Variants in STPG2 observed in about 807,000 individuals in gnomAD.
STPG2 encodes the protein sperm-tail PG-rich repeat-containing protein 2.
Under a neutral mutation model 54.2 loss-of-function variants are expected in STPG2, and 56 were observed. That is an observed-to-expected ratio of 1.03 (90% CI 0.83 to 1.29). The LOEUF (loss-of-function observed/expected upper bound fraction) is 1.29. STPG2 is among the 50% of genes most tolerant of loss of function. The pLI, the probability that STPG2 is intolerant of heterozygous loss-of-function variation, is 0.00. For missense variants in STPG2, 596 were observed against 544.9 expected, an observed-to-expected ratio of 1.09 and a Z score of -0.93; for synonymous variants, 200 against 181.8, an observed-to-expected ratio of 1.10 and a Z score of -0.81.
chr4:97,827,510 C>A (rs745639892), intron 9 of STPG2, among the ~76,000 whole-genome samples: 12 of 152,148 alleles, frequency 7.9e-5, no homozygotes, highest in Non-Finnish European at 1.0e-4. Context: ...GCTGGGATTA[C>A]AGGCATGAGC....
intron 5 of STPG2, among the ~76,000 whole-genome samples, chr4:98,047,997 C>T (rs1737192001): frequency 6.6e-6 from 1 of 152,154 alleles, no homozygotes; most frequent in African/African-American, 2.4e-5. Context: ...GACAGTATTT[C>T]TCAACTAAAC....
chr4:97,544,551 G>T (rs1372983276), intron 4 of STPG2, among the ~76,000 whole-genome samples: 1 of 151,942 alleles, frequency 6.6e-6, no homozygotes, highest in Non-Finnish European at 1.5e-5. Flanking sequence ...AGCAATTAGA[G>T]CAATCCAGTA....
chr4:97,548,249 T>C (rs979064507), intron 4 of STPG2, among the ~76,000 whole-genome samples: 3 of 152,130 alleles, frequency 2.0e-5, no homozygotes, highest in Admixed American at 1.3e-4. Context: ...CTCTGGGAGA[T>C]ATCAACTTTT....
chr4:97,897,576 T>A (rs1336550855), intron 8 of STPG2, among the ~76,000 whole-genome samples: 1 of 152,136 alleles, frequency 6.6e-6, no homozygotes, highest in East Asian at 1.9e-4. Flanking sequence ...CTGTTATTTT[T>A]TGACTTTTTA....
At chr4:97,550,816 G>A (rs1173661441) in intron 4 of STPG2, among the ~76,000 whole-genome samples, 2 of 151,980 alleles carry the variant, frequency 1.3e-5, no homozygotes. Flanking sequence ...CGCAGTGAGT[G>A]TTACAGCTCT....
chr4:98,130,921 C>CAAAAAAAAA (rs34206321), intron 2 of STPG2, among the ~76,000 whole-genome samples: 6 of 41,544 alleles, frequency 1.4e-4, no homozygotes, highest in Admixed American at 3.0e-4. Flanking sequence ...GACTCCGTCT[C>CAAAAAAAAA]AAAAAAAAAA....
chr4:98,068,837 C>G (rs1737913269), intron 5 of STPG2, among the ~76,000 whole-genome samples: 1 of 152,016 alleles, frequency 6.6e-6, no homozygotes, highest in Non-Finnish European at 1.5e-5. Context: ...TAATCCCAAA[C>G]AGCAGGTTAC....
chr4:98,127,230 C>T (rs1484392209), intron 3 of STPG2, among the ~76,000 whole-genome samples: 4 of 151,974 alleles, frequency 2.6e-5, no homozygotes, highest in African/African-American at 4.8e-5. Flanking sequence ...TCCAATGTGA[C>T]GAAATTTTAA....
chr4:97,586,298 A>T (rs1429990142), intron 10 of STPG2, among the ~76,000 whole-genome samples: 1 of 151,918 alleles, frequency 6.6e-6, no homozygotes, highest in Non-Finnish European at 1.5e-5. Context: ...AAATATACTG[A>T]AAAAAGAACA....
At chr4:97,499,711 A>AG (rs1239626429) in intron 4 of STPG2, among the ~76,000 whole-genome samples, 3 of 151,836 alleles carry the variant, frequency 2.0e-5, no homozygotes, top group Admixed American at 2.0e-4. Flanking sequence ...CTCTGGGAGA[A>AG]GGTGGCAAAT....
At chr4:97,981,960 C>T (rs967945614) in intron 5 of STPG2, among the ~76,000 whole-genome samples, 1 of 151,120 alleles carries the variant, frequency 6.6e-6, no homozygotes, top group African/African-American at 2.4e-5. Flanking sequence ...TCTCGGCTCA[C>T]TGCAAGCTCC....
intron 8 of STPG2, among the ~76,000 whole-genome samples, chr4:97,899,554 C>T (rs1410548991): frequency 3.3e-5 from 5 of 151,486 alleles, no homozygotes; most frequent in African/African-American, 1.2e-4. Context: ...AGGCATTACA[C>T]TACCCAAATT....
intron 4 of STPG2, among the ~76,000 whole-genome samples, chr4:97,521,524 T>C (rs1731180641): frequency 6.6e-6 from 1 of 152,052 alleles, no homozygotes; most frequent in African/African-American, 2.4e-5. Flanking sequence ...CTCAGAAATG[T>C]ACTTTAGACA....
chr4:97,685,193 T>C (rs1723153046), intron 10 of STPG2, among the ~76,000 whole-genome samples: 1 of 152,092 alleles, frequency 6.6e-6, no homozygotes, highest in Non-Finnish European at 1.5e-5. Flanking sequence ...AGTCTTATCA[T>C]ATGATGCAAA....
intron 10 of STPG2, among the ~76,000 whole-genome samples, chr4:97,588,470 A>T (rs1385157405): frequency 6.6e-6 from 1 of 152,208 alleles, no homozygotes; most frequent in Non-Finnish European, 1.5e-5. Context: ...CAAAATGTAC[A>T]AATCAATAAT....
At chr4:97,862,256 C>A (rs1336272916) in intron 8 of STPG2, among the ~76,000 whole-genome samples, 2 of 151,270 alleles carry the variant, frequency 1.3e-5, no homozygotes, top group African/African-American at 4.9e-5. Flanking sequence ...GGAAGATCTA[C>A]CAAGCAAATG....
At chr4:97,829,125 G>A (rs1176545665) in intron 9 of STPG2, among the ~76,000 whole-genome samples, 1 of 152,164 alleles carries the variant, frequency 6.6e-6, no homozygotes, top group East Asian at 1.9e-4. Flanking sequence ...CAGGAGAGCT[G>A]TGGCTGGCAT....
intron 5 of STPG2, among the ~76,000 whole-genome samples, chr4:98,076,141 G>A (rs1738158856): frequency 6.6e-6 from 1 of 152,018 alleles, no homozygotes; most frequent in African/African-American, 2.4e-5. Flanking sequence ...CTACTCAGGA[G>A]GCTGAGGCAG....
chr4:97,608,779 G>T (rs1250870371), intron 10 of STPG2, among the ~76,000 whole-genome samples: 1 of 151,996 alleles, frequency 6.6e-6, no homozygotes, highest in Non-Finnish European at 1.5e-5. Flanking sequence ...AAGAAAAATT[G>T]TATTGCCCTT....
Sources: gnomAD v4.1 joint callset for allele counts (sites outside exome capture counted in the v4.1 genomes callset) on GRCh38, gnomAD v4.1.1 for gene constraint, MANE v1.5 for transcripts, NCBI Gene and HGNC (gene_info 2026-07-23, HGNC 2026-07-21) for gene names.